The following TTC28 variants were observed in gnomAD, a reference collection of about 807,000 sequenced individuals.
TTC28 encodes tetratricopeptide repeat protein 28.
In TTC28, 61 loss-of-function variants were observed where a neutral mutation model predicts 198.0. The observed-to-expected ratio is 0.31, with a 90% CI of 0.25 to 0.38. The LOEUF (loss-of-function observed/expected upper bound fraction) is 0.38, where lower values mean the gene tolerates loss of function less well. Ranked by LOEUF, TTC28 falls within the 10% of genes least tolerant of loss-of-function variation. TTC28 has a pLI of 1.00. For synonymous variants in TTC28, 1,171 were observed against 1,297.8 expected (o/e 0.90, Z 2.10); for missense variants, 2,678 against 3,164.0 (o/e 0.85, Z 3.69).
intron 1 of TTC28, among the ~76,000 whole-genome samples, chr22:28,649,213 A>G (rs1387298828): frequency 6.6e-6 from 1 of 152,132 alleles, no homozygotes; most frequent in Non-Finnish European, 1.5e-5. Flanking sequence ...CTCAGGAGGT[A>G]GGAGGTGGGA....
At position 28,071,746 on chromosome 22, in the gene TTC28, AG is replaced by A. The variant is rs144759350; in HGVS notation, c.3932+22333del. ...CTTAAAGTATAATAAAAAAAAAAAAAGGAAAAAAAAAAAAAAAAAGAAAAAC... is the reference window on the plus strand; with the variant it reads ...CTTAAAGTATAATAAAAAAAAAAAAAGAAAAAAAAAAAAAAAAAGAAAAAC... On this transcript the variant is annotated intron_variant, in intron 12 of 22. Coordinates refer to ENST00000397906, the MANE Select transcript of TTC28 (RefSeq NM_001145418.2). 5.1e-4 allele frequency among the ~76,000 whole-genome samples: 73 copies of A among 141,832 alleles called. 1 individual carries two copies. The East Asian group carries it at 0.01, about 19-fold the overall frequency. 93.0% of individuals were successfully genotyped at this position (141,832 alleles called of 152,430 possible).
intron 1 of TTC28, among the ~76,000 whole-genome samples, chr22:28,672,457 C>T (rs180810765): frequency 3.9e-5 from 6 of 152,068 alleles, no homozygotes; most frequent in Non-Finnish European, 8.8e-5. Context: ...TGAGCCACCG[C>T]GCCCGGCCAA....
chr22:28,176,468 A>G (rs1267228042), intron 5 of TTC28, among the ~76,000 whole-genome samples: 2 of 152,182 alleles, frequency 1.3e-5, no homozygotes, highest in East Asian at 1.9e-4. Flanking sequence ...CAAAGTTACA[A>G]TTAGATGGGA....
intron 2 of TTC28, among the ~76,000 whole-genome samples, chr22:28,495,897 C>T (rs2048448059): frequency 6.6e-6 from 1 of 152,102 alleles, no homozygotes; most frequent in African/African-American, 2.4e-5. Flanking sequence ...GCACACCAAA[C>T]AGACTTTCAC....
chr22:28,559,049 A>G (rs2049830159), intron 2 of TTC28, among the ~76,000 whole-genome samples: 1 of 152,012 alleles, frequency 6.6e-6, no homozygotes, highest in African/African-American at 2.4e-5. Flanking sequence ...AAAAAAAAAG[A>G]GAGAATTTCG....
At chr22:28,400,787 G>A (rs1312728043) in intron 2 of TTC28, among the ~76,000 whole-genome samples, 1 of 152,176 alleles carries the variant, frequency 6.6e-6, no homozygotes, top group African/African-American at 2.4e-5. Context: ...GATGGTAACA[G>A]CAATAGTGCC....
At chr22:28,641,483 G>A (rs530122863) in intron 1 of TTC28, among the ~76,000 whole-genome samples, 195 of 152,314 alleles carry the variant, frequency 1.3e-3, no homozygotes, top group African/African-American at 4.1e-3. Flanking sequence ...ATGGAAAGCA[G>A]ATTGGTGGTT....
At chr22:28,025,909 G>A (rs1323680882) in intron 13 of TTC28, among the ~76,000 whole-genome samples, 2 of 152,116 alleles carry the variant, frequency 1.3e-5, no homozygotes, top group African/African-American at 2.4e-5. Context: ...CCATGCAGAC[G>A]CACACACAGC....
chr22:28,128,731 G>C (rs1942979451), intron 6 of TTC28, among the ~76,000 whole-genome samples: 1 of 152,006 alleles, frequency 6.6e-6, no homozygotes, highest in South Asian at 2.1e-4. Context: ...GTAAATATGG[G>C]GTTTCACCAT....
chr22:28,476,552 A>G (rs1366648354), intron 2 of TTC28, among the ~76,000 whole-genome samples: 1 of 152,154 alleles, frequency 6.6e-6, no homozygotes, highest in East Asian at 1.9e-4. Flanking sequence ...AGTTATTCCA[A>G]TGTATGTTGC....
intron 2 of TTC28, among the ~76,000 whole-genome samples, chr22:28,617,225 T>A (rs566664750): frequency 4.2e-4 from 64 of 151,382 alleles, no homozygotes; most frequent in Non-Finnish European, 8.0e-4. Context: ...ATGAGACAGG[T>A]CTTGGTGGCT....
chr22:28,073,912 G>A (rs1941080216), intron 12 of TTC28, among the ~76,000 whole-genome samples: 2 of 152,218 alleles, frequency 1.3e-5, no homozygotes, highest in Admixed American at 6.5e-5. Context: ...ATAAATGCTT[G>A]TGGTTAAATG....
intron 5 of TTC28, among the ~76,000 whole-genome samples, chr22:28,214,812 G>A (rs920229012): frequency 6.6e-6 from 1 of 152,120 alleles, no homozygotes; most frequent in African/African-American, 2.4e-5. Context: ...AAATCATGCT[G>A]CTATAAAGAC....
chr22:28,307,313 C>T (rs1044224841), intron 2 of TTC28, among the ~76,000 whole-genome samples: 2 of 152,150 alleles, frequency 1.3e-5, no homozygotes, highest in Non-Finnish European at 2.9e-5. Context: ...CTCCTTCTAA[C>T]TAACTGCAGA....
At chr22:28,144,685 C>G (rs531901796) in intron 6 of TTC28, among the ~76,000 whole-genome samples, 2 of 152,202 alleles carry the variant, frequency 1.3e-5, no homozygotes, top group African/African-American at 4.8e-5. Context: ...TGTCAATTTA[C>G]GTGGCATCAA....
At chr22:28,569,867 C>A (rs2346866) in intron 2 of TTC28, among the ~76,000 whole-genome samples, 150,633 of 152,270 alleles carry the variant, frequency 0.99, 74,533 homozygotes, top group Middle Eastern at 1. Context: ...CAAGCAACAA[C>A]CAACCTCATT....
chr22:28,078,209 G>A (rs189454534), intron 12 of TTC28, among the ~76,000 whole-genome samples: 6 of 152,262 alleles, frequency 3.9e-5, no homozygotes, highest in Admixed American at 3.3e-4. Flanking sequence ...ATGCCATTAA[G>A]GAGAGCAAAA....
chr22:28,233,983 T>C (rs1929027683), intron 5 of TTC28, among the ~76,000 whole-genome samples: 1 of 151,412 alleles, frequency 6.6e-6, no homozygotes, highest in African/African-American at 2.4e-5. Context: ...CTTGGCTCAC[T>C]GCAATCTCCG....
chr22:28,112,574 C>T (rs912142104), intron 6 of TTC28, among the ~76,000 whole-genome samples: 7 of 152,194 alleles, frequency 4.6e-5, no homozygotes, highest in African/African-American at 1.7e-4. Flanking sequence ...TGTGTCTCTA[C>T]TGTCCCAGCC....
Sources: gnomAD v4.1 joint callset for allele counts (sites outside exome capture counted in the v4.1 genomes callset) on GRCh38, gnomAD v4.1.1 for gene constraint, MANE v1.5 for transcripts, NCBI Gene and HGNC (gene_info 2026-07-23, HGNC 2026-07-21) for gene names.